Variants in NT5C3A observed in about 807,000 individuals in gnomAD.
NT5C3A encodes 5'-nucleotidase, cytosolic IIIA, also known as cytosolic 5'-nucleotidase 3A.
In NT5C3A, 23 loss-of-function variants were observed where a neutral mutation model predicts 40.0. That is an observed-to-expected ratio of 0.58 (90% CI 0.41 to 0.81). The LOEUF is 0.81. Ranked by LOEUF, NT5C3A falls within the 40% of genes least tolerant of loss-of-function variation. NT5C3A has a pLI of 0.00. For synonymous variants in NT5C3A, 130 were observed against 141.4 expected (o/e 0.92, Z 0.57); for missense variants, 328 against 403.0 (o/e 0.81, Z 1.59).
At chr7:33,030,687 A>C (rs1333990819) in intron 1 of NT5C3A, among the ~76,000 whole-genome samples, 2 of 152,202 alleles carry the variant, frequency 1.3e-5, no homozygotes, top group Non-Finnish European at 2.9e-5. Context: ...TATTTTGACC[A>C]ATACTTAATA....
intron 8 of NT5C3A, among the ~76,000 whole-genome samples, chr7:33,015,226 TCC>T (rs1785256076): frequency 1.3e-5 from 2 of 152,262 alleles, no homozygotes; most frequent in South Asian, 4.1e-4. Flanking sequence ...GCATCTCAGC[TCC>T]TTTTTAAACA....
intron 1 of NT5C3A, among the ~76,000 whole-genome samples, chr7:33,060,096 A>G (rs1213965296): frequency 1.3e-5 from 2 of 152,058 alleles, no homozygotes; most frequent in Non-Finnish European, 2.9e-5. Flanking sequence ...CTACACTACA[A>G]GTGTGTGCCA....
chr7:33,058,294 AGAGT>A (rs1309460402), intron 1 of NT5C3A, among the ~76,000 whole-genome samples: 2 of 152,134 alleles, frequency 1.3e-5, no homozygotes, highest in Non-Finnish European at 2.9e-5. Context: ...GAGAATATGG[AGAGT>A]AAGTAACTAT....
chr7:33,062,176 G>A (rs1562608086), intron 1 of NT5C3A, among the ~76,000 whole-genome samples: 1 of 152,174 alleles, frequency 6.6e-6, no homozygotes, highest in Non-Finnish European at 1.5e-5. Context: ...GATCCGGGGG[G>A]AGGGCGGGAG....
At chr7:33,016,954 G>C (rs1428191327) in intron 7 of NT5C3A, among the ~76,000 whole-genome samples, 1 of 151,960 alleles carries the variant, frequency 6.6e-6, no homozygotes, top group Non-Finnish European at 1.5e-5. Context: ...AGGCCAAGGT[G>C]GGAGGATAAC....
intron 1 of NT5C3A, chr7:33,040,940 C>T: frequency 1.0e-6 from 1 of 985,438 alleles, no homozygotes; most frequent in Non-Finnish European, 1.2e-6. Context: ...ACTAATATAG[C>T]ACAAGGTGCA....
At chr7:33,023,003 G>C (rs1480116114) in intron 3 of NT5C3A, among the ~76,000 whole-genome samples, 1 of 147,982 alleles carries the variant, frequency 6.8e-6, no homozygotes, top group Non-Finnish European at 1.5e-5. Context: ...CTATAGACTT[G>C]CCCTCCCAGG....
chr7:33,057,754 G>A (rs542143809), intron 1 of NT5C3A, among the ~76,000 whole-genome samples: 5 of 151,780 alleles, frequency 3.3e-5, no homozygotes, highest in South Asian at 2.1e-4. Flanking sequence ...AATAGTTGAC[G>A]TTAACAACAA....
intron 5 of NT5C3A, among the ~76,000 whole-genome samples, chr7:33,020,741 A>T (rs547258052): frequency 6.6e-6 from 1 of 151,262 alleles, no homozygotes; most frequent in East Asian, 1.9e-4. Context: ...ATTCTGGTGG[A>T]CTACTCTGAC....
Position 33,062,641 on chromosome 7 carries a change from G to A in NT5C3A, c.65C>T (p.Ala22Val), listed in dbSNP as rs754380862. The change falls in exon 1 of 9, where the codon GCG (alanine) becomes GTG (valine). Residue 22 changes from alanine (A) to valine (V), a missense_variant. Coordinates refer to ENST00000610140, the MANE Select transcript of NT5C3A (RefSeq NM_001002010.5). ...TATGTACTGAGCCAGCACCACCCCC[G>A]CCACCAGGGCGCACACGCTGGCGCT... ...VASASVCALV[A>V]GVVLAQYIFT... 11 of 1,600,316 alleles carry A rather than the reference G, an allele frequency of 6.9e-6. No homozygotes were observed. In the East Asian group the frequency reaches 1.1e-4, roughly 17 times the overall value.
chr7:33,059,544 T>C (rs1787699932), intron 1 of NT5C3A, among the ~76,000 whole-genome samples: 2 of 152,234 alleles, frequency 1.3e-5, no homozygotes, highest in Admixed American at 6.5e-5. Context: ...TGATCACAAA[T>C]AATAAGCTCT....
At chr7:33,021,796 A>T in intron 4 of NT5C3A, 1 of 491,032 alleles carries the variant, frequency 2.0e-6, no homozygotes, top group Non-Finnish European at 3.7e-6. Context: ...TTACAACACC[A>T]GAATACTTTG....
rs1785766406 is a variant in NT5C3A, at chr7:33,023,843, A to C, written c.307+196T>G. 8 of 569,842 alleles carry C rather than the reference A, an allele frequency of 1.4e-5. No homozygotes were observed. The Admixed American group carries it at 2.4e-4, about 17-fold the overall frequency. 35.3% of individuals were successfully genotyped at this position (569,842 alleles called of 1,614,324 possible). ...GAGTCTCTGATTCCCTTTGCTACCAAAACCATACATGAAAATAACCATTTA... is the reference window on the plus strand; with the variant it reads ...GAGTCTCTGATTCCCTTTGCTACCACAACCATACATGAAAATAACCATTTA... On this transcript the variant is annotated intron_variant, in intron 3 of 8. Coordinates refer to ENST00000610140, the MANE Select transcript of NT5C3A (RefSeq NM_001002010.5).
At chr7:33,031,107 C>CAAAAAAAAAAA (rs11407650) in intron 1 of NT5C3A, among the ~76,000 whole-genome samples, 4 of 131,798 alleles carry the variant, frequency 3.0e-5, no homozygotes, top group Non-Finnish European at 6.3e-5. Flanking sequence ...CAAAAAAAAA[C>CAAAAAAAAAAA]AAAAAAAAAA....
At chr7:33,031,492 T>TTC (rs955603209) in intron 1 of NT5C3A, among the ~76,000 whole-genome samples, 1 of 151,522 alleles carries the variant, frequency 6.6e-6, no homozygotes, top group African/African-American at 2.4e-5. Flanking sequence ...GAGGCTAAGG[T>TTC]GGGAGGATTG....
chr7:33,027,803 A>C (rs1294240580), intron 1 of NT5C3A, among the ~76,000 whole-genome samples: 1 of 152,156 alleles, frequency 6.6e-6, no homozygotes, highest in Non-Finnish European at 1.5e-5. Context: ...CTTCCACCCT[A>C]ATACTAATAT....
In NT5C3A at chr7:33,036,562, A is replaced by C. The variant is rs376713389; in HGVS notation, c.139-9647T>G. Among the ~76,000 whole-genome samples, 17 of 152,278 alleles carry C rather than the reference A, an allele frequency of 1.1e-4. No homozygotes were observed. The South Asian group carries it at 1.2e-3, about 11-fold the overall frequency. On this transcript the variant is annotated intron_variant, in intron 1 of 8. Coordinates refer to ENST00000610140, the MANE Select transcript of NT5C3A (RefSeq NM_001002010.5). ...ATCTGAAGCTCTCCTGTAAGAACTTATATGGTATTAAGAAAATTGAATAAA... is the reference window on the plus strand; with the variant it reads ...ATCTGAAGCTCTCCTGTAAGAACTTCTATGGTATTAAGAAAATTGAATAAA...
At chr7:33,017,745 T>C in intron 6 of NT5C3A, 144 bp from the exon 7 acceptor site, 2 of 716,942 alleles carry the variant, frequency 2.8e-6, no homozygotes, top group Non-Finnish European at 2.5e-6. Context: ...AGGGCTGTTA[T>C]TGATATCTAC....
At chr7:33,031,176 C>G (rs1786235649) in intron 1 of NT5C3A, among the ~76,000 whole-genome samples, 1 of 151,340 alleles carries the variant, frequency 6.6e-6, no homozygotes, top group Non-Finnish European at 1.5e-5. Flanking sequence ...TTGGTATCAT[C>G]AATCCAATGA....
Sources: allele counts gnomAD v4.1 joint callset (sites outside exome capture counted in the v4.1 genomes callset), GRCh38; gene constraint gnomAD v4.1.1; transcripts MANE v1.5; gene names NCBI Gene and HGNC (gene_info 2026-07-23, HGNC 2026-07-21).